The following MYO16 variants were observed in gnomAD, a reference collection of about 807,000 sequenced individuals.
MYO16 encodes unconventional myosin-XVI.
Under a neutral mutation model 205.3 loss-of-function variants are expected in MYO16, and 94 were observed. The ratio of observed to expected loss-of-function variants is 0.46; its 90% CI spans 0.39 to 0.54. MYO16 has a LOEUF of 0.54. MYO16 is among the 20% of genes least tolerant of loss of function. The pLI, the probability that MYO16 is intolerant of heterozygous loss-of-function variation, is 0.00. For missense variants in MYO16, 2,315 were observed against 2,387.5 expected, an observed-to-expected ratio of 0.97 and a Z score of 0.63; for synonymous variants, 988 against 954.0, an observed-to-expected ratio of 1.04 and a Z score of -0.66.
At chr13:109,005,428 A>T (rs1249811752) in intron 21 of MYO16, among the ~76,000 whole-genome samples, 1 of 152,138 alleles carries the variant, frequency 6.6e-6, no homozygotes, top group East Asian at 1.9e-4. Flanking sequence ...TATTTTTGTT[A>T]CTATTTGAAT....
intron 1 of MYO16, among the ~76,000 whole-genome samples, chr13:108,647,908 A>G (rs1291473476): frequency 6.6e-6 from 1 of 152,224 alleles, no homozygotes; most frequent in Non-Finnish European, 1.5e-5. Flanking sequence ...GAATGATTGG[A>G]TACATTAGCA....
intron 1 of MYO16, among the ~76,000 whole-genome samples, chr13:108,637,806 T>A (rs1247413125): frequency 6.6e-6 from 1 of 151,830 alleles, no homozygotes; most frequent in Non-Finnish European, 1.5e-5. Flanking sequence ...ACCCAGGAGG[T>A]AAATGTGGCA....
At chr13:109,081,675 A>G (rs1337179635) in intron 27 of MYO16, among the ~76,000 whole-genome samples, 2 of 152,150 alleles carry the variant, frequency 1.3e-5, no homozygotes, top group Non-Finnish European at 2.9e-5. Flanking sequence ...TTTAATATGA[A>G]AAAAGGGATG....
At chr13:108,549,742 G>A in the MYO16 span, among the ~76,000 whole-genome samples, 1 of 151,920 alleles carries the variant, frequency 6.6e-6, no homozygotes, top group Admixed American at 6.6e-5. Flanking sequence ...TTCAGATTAT[G>A]GTAATAATAT....
At position 108,665,899 on chromosome 13, in the gene MYO16, A is replaced by G. The variant is rs200191357; in HGVS notation, c.42A>G (p.Leu14=). Residue 14 remains leucine (L), a synonymous_variant, in exon 2 of 35, where the codon CTA becomes CTG. Transcript: ENST00000457511. ...CATTTCTTCCAGGTTGCTTTCAGCT[A>G]TGTAACGTTTTTCGATCCCATGAGA... ...YHFIKCCCFQ[L]CNVFRSHEME... 3 of 1,613,826 alleles carry G rather than the reference A, an allele frequency of 1.9e-6. No individual in the cohort carries two copies. The highest frequency in any genetic ancestry group is 2.5e-6 in the Non-Finnish European group (3 of 1,179,812).
chr13:108,783,282 A>T (rs572868780), intron 4 of MYO16, among the ~76,000 whole-genome samples: 4 of 152,324 alleles, frequency 2.6e-5, no homozygotes, highest in South Asian at 2.1e-4. Flanking sequence ...GAGCTTTAAA[A>T]TGTGACTGCC....
At chr13:108,628,406 C>T (rs1448148283), upstream of MYO16, among the ~76,000 whole-genome samples, 1 of 152,054 alleles carries the variant, frequency 6.6e-6, no homozygotes. Context: ...CAATGAACAC[C>T]AACAACAGAA....
Position 109,048,093 on chromosome 13 carries a change from G to A in MYO16, c.2872+1102G>A, listed in dbSNP as rs143648186. 4.6e-3 allele frequency among the ~76,000 whole-genome samples: 689 copies of A among 150,768 alleles called. 4 individuals are homozygous for A. The highest frequency in any genetic ancestry group is 0.016 in the African/African-American group (641 of 41,012). ...CTCTTTTATGGAGATCTAATATATA[G>A]CATGTATTTAAAAGTTTACACAATG... On this transcript the variant is annotated intron_variant, in intron 24 of 34. Transcript: ENST00000457511.
chr13:108,904,976 G>C (rs192332144), intron 15 of MYO16, among the ~76,000 whole-genome samples: 8 of 152,258 alleles, frequency 5.3e-5, no homozygotes, highest in South Asian at 4.1e-4. Flanking sequence ...ATAATATACT[G>C]TCTTCATTCT....
At chr13:108,912,728 G>A (rs1404429338) in intron 16 of MYO16, among the ~76,000 whole-genome samples, 1 of 151,934 alleles carries the variant, frequency 6.6e-6, no homozygotes. Flanking sequence ...AGCCTGTGAG[G>A]AAGAGAAGAG....
intron 34 of MYO16, among the ~76,000 whole-genome samples, chr13:109,197,253 T>A (rs1331593001): frequency 6.6e-6 from 1 of 152,186 alleles, no homozygotes; most frequent in Admixed American, 6.5e-5. Context: ...AGCTTTCTAG[T>A]GTTTGAAAAA....
intron 6 of MYO16, among the ~76,000 whole-genome samples, chr13:108,795,416 G>A (rs928200976): frequency 6.6e-5 from 10 of 151,998 alleles, no homozygotes; most frequent in Non-Finnish European, 1.3e-4. Flanking sequence ...CACCATGTTA[G>A]CCAGGCTGGT....
chr13:108,547,619 A>G, the MYO16 span, among the ~76,000 whole-genome samples: 2 of 152,242 alleles, frequency 1.3e-5, no homozygotes, highest in Non-Finnish European at 2.9e-5. Context: ...TCTAAGTGCA[A>G]CATAATGTAC....
chr13:108,762,393 G>C (rs1400850313), intron 4 of MYO16, among the ~76,000 whole-genome samples: 1 of 152,136 alleles, frequency 6.6e-6, no homozygotes, highest in African/African-American at 2.4e-5. Context: ...TCGTAGTTCT[G>C]TTTTTAGTTC....
At chr13:108,824,586 G>T (rs553901658) in intron 9 of MYO16, among the ~76,000 whole-genome samples, 1 of 152,004 alleles carries the variant, frequency 6.6e-6, no homozygotes, top group African/African-American at 2.4e-5. Context: ...TATCAACAAG[G>T]GAATAGAAGA....
chr13:109,120,273 T>G lies in MYO16; in HGVS notation c.3439-97T>G, dbSNP rs904047442. The stretch of plus-strand genomic sequence containing the variant: ...TCTAATTTTCTGAGTTTGTTTCTTC[T>G]AATCCTCTGCTGGAAAAATATTTTG... On this transcript the variant is annotated intron_variant, in intron 28 of 34. Transcript: ENST00000457511. The G allele has an allele frequency of 1.7e-5, 14 of 815,688 alleles. No individual in the cohort carries two copies. The African/African-American group carries it at 2.4e-4, about 14-fold the overall frequency. 50.5% of individuals were successfully genotyped at this position (815,688 alleles called of 1,614,324 possible). A position where few individuals can be genotyped will look rare whatever the true frequency, so the allele number is the denominator to read the frequency against.
chr13:108,804,368 G>C (rs970490451), intron 6 of MYO16, among the ~76,000 whole-genome samples: 1 of 152,284 alleles, frequency 6.6e-6, no homozygotes, highest in East Asian at 1.9e-4. Flanking sequence ...TTCTCACAGG[G>C]CCCTTAAAGT....
At chr13:108,961,800 C>A in intron 18 of MYO16, 144 bp downstream of exon 18, 1 of 654,626 alleles carries the variant, frequency 1.5e-6, no homozygotes, top group East Asian at 2.6e-5. Context: ...GGGAAATTGT[C>A]TACTTTGTTT....
intron 1 of MYO16, among the ~76,000 whole-genome samples, chr13:108,640,270 A>G (rs1188494005): frequency 6.6e-6 from 1 of 152,198 alleles, no homozygotes; most frequent in Non-Finnish European, 1.5e-5. Context: ...GCAGGCTGGC[A>G]TGAAGTGAGA....
Sources: gnomAD v4.1 joint callset for allele counts (sites outside exome capture counted in the v4.1 genomes callset) on GRCh38, gnomAD v4.1.1 for gene constraint, MANE v1.5 for transcripts, NCBI Gene and HGNC (gene_info 2026-07-23, HGNC 2026-07-21) for gene names.